ROBO2: variants seen among roughly 807,000 people sequenced by gnomAD.
ROBO2 encodes the protein roundabout homolog 2.
ROBO2 carries 53 observed loss-of-function variants against 160.8 expected under a neutral mutation model. The ratio of observed to expected loss-of-function variants is 0.33; its 90% CI spans 0.26 to 0.41. The LOEUF (loss-of-function observed/expected upper bound fraction) is 0.41, where lower values mean the gene tolerates loss of function less well. ROBO2 is among the 10% of genes least tolerant of loss of function. The pLI, the probability that ROBO2 is intolerant of heterozygous loss-of-function variation, is 1.00. For missense variants in ROBO2, 1,577 were observed against 1,722.4 expected (o/e 0.92, Z 1.49); for synonymous variants, 664 against 611.7 (o/e 1.09, Z -1.26).
intron 2 of ROBO2, among the ~76,000 whole-genome samples, chr3:76,639,266 A>G (rs1029795882): frequency 1.3e-5 from 2 of 151,950 alleles, no homozygotes; most frequent in Non-Finnish European, 2.9e-5. Flanking sequence ...ATGTATGTTT[A>G]TATGTACATA....
intron 2 of ROBO2, among the ~76,000 whole-genome samples, chr3:76,312,719 A>G (rs2071684068): frequency 1.3e-5 from 2 of 152,214 alleles, no homozygotes; most frequent in Admixed American, 1.3e-4. Context: ...TGATGTCAGG[A>G]GTGTTAACTT....
chr3:76,217,789 GGAATCCTCCCTA>G (rs1317940152), intron 2 of ROBO2, among the ~76,000 whole-genome samples: 2 of 152,064 alleles, frequency 1.3e-5, no homozygotes, highest in Non-Finnish European at 2.9e-5. Flanking sequence ...AGAAAAAGAG[GGAATCCTCCCTA>G]CCTCATTTTA....
chr3:76,847,868 C>CT (rs1156360359), intron 2 of ROBO2, among the ~76,000 whole-genome samples: 1 of 151,838 alleles, frequency 6.6e-6, no homozygotes, highest in Non-Finnish European at 1.5e-5. Context: ...ACATTATATC[C>CT]TTTTTTCTTA....
chr3:76,890,006 A>G (rs1200486868), intron 2 of ROBO2, among the ~76,000 whole-genome samples: 3 of 152,110 alleles, frequency 2.0e-5, no homozygotes, highest in African/African-American at 7.2e-5. Context: ...CTTTGAAGCA[A>G]GTAGTAAAGG....
chr3:76,028,188 C>G (rs573068372), intron 2 of ROBO2, among the ~76,000 whole-genome samples: 1 of 151,624 alleles, frequency 6.6e-6, no homozygotes, highest in Admixed American at 6.6e-5. Context: ...CAATAAAACA[C>G]GTGAAAGAAA....
chr3:77,020,449 C>T (rs190724756), intron 2 of ROBO2, among the ~76,000 whole-genome samples: 286 of 152,146 alleles, frequency 1.9e-3, no homozygotes, highest in Non-Finnish European at 3.1e-3. Context: ...GTCAGTAAAT[C>T]GGTCTATTTA....
intron 2 of ROBO2, among the ~76,000 whole-genome samples, chr3:77,389,551 A>C (rs2074493306): frequency 1.3e-5 from 2 of 152,126 alleles, no homozygotes; most frequent in Admixed American, 1.3e-4. Flanking sequence ...GGTTCAAGCC[A>C]ATGTTGTTTA....
At chr3:76,608,967 T>C (rs1237014263) in intron 2 of ROBO2, among the ~76,000 whole-genome samples, 4 of 152,212 alleles carry the variant, frequency 2.6e-5, no homozygotes, top group Non-Finnish European at 4.4e-5. Flanking sequence ...ATCATTCTTA[T>C]GACTTGCATT....
At chr3:76,017,638 T>A (rs1054988690) in intron 2 of ROBO2, among the ~76,000 whole-genome samples, 70 of 152,250 alleles carry the variant, frequency 4.6e-4, no homozygotes, top group African/African-American at 1.7e-3. Context: ...CATATTTTTA[T>A]ATCTTGCATG....
chr3:76,385,293 G>T (rs2076829841), intron 2 of ROBO2, among the ~76,000 whole-genome samples: 2 of 152,064 alleles, frequency 1.3e-5, no homozygotes, highest in African/African-American at 2.4e-5. Flanking sequence ...CGCCCAGCCT[G>T]CCAAGTGTCT....
intron 2 of ROBO2, among the ~76,000 whole-genome samples, chr3:77,105,529 A>C (rs973260829): frequency 6.6e-6 from 1 of 152,078 alleles, no homozygotes; most frequent in African/African-American, 2.4e-5. Context: ...GTGCCTTTTA[A>C]TTTTGCCATA....
chr3:76,157,596 G>C (rs1031207060), intron 2 of ROBO2, among the ~76,000 whole-genome samples: 1 of 151,912 alleles, frequency 6.6e-6, no homozygotes, highest in South Asian at 2.1e-4. Context: ...TCTCATTTAT[G>C]GGGGGGCTGC....
chr3:76,381,634 C>T (rs1447751615), intron 2 of ROBO2, among the ~76,000 whole-genome samples: 1 of 152,144 alleles, frequency 6.6e-6, no homozygotes, highest in Non-Finnish European at 1.5e-5. Context: ...CAGGTGTGAG[C>T]CACTGTGCCC....
chr3:77,509,203 C>T (rs571308028), intron 5 of ROBO2, among the ~76,000 whole-genome samples: 83 of 151,858 alleles, frequency 5.5e-4, no homozygotes, highest in Non-Finnish European at 8.7e-4. Context: ...ATGAAGGTTG[C>T]AAGGGAGAAA....
At chr3:76,665,000 G>A (rs749512909) in intron 2 of ROBO2, among the ~76,000 whole-genome samples, 96 of 152,210 alleles carry the variant, frequency 6.3e-4, no homozygotes, top group African/African-American at 2.1e-3. Context: ...AAGAGGCAAC[G>A]TGTGAGATTT....
At chr3:77,450,101 C>T (rs1054428562) in intron 2 of ROBO2, among the ~76,000 whole-genome samples, 23 of 151,904 alleles carry the variant, frequency 1.5e-4, no homozygotes, top group Non-Finnish European at 5.9e-5. Context: ...AGAAATAGCT[C>T]GTTGCTAATT....
Position 76,683,462 on chromosome 3 carries a change from C to CG in ROBO2, c.110-414551dup, listed in dbSNP as rs201919965. 1.3e-4 allele frequency among the ~76,000 whole-genome samples: 9 copies of CG among 70,934 alleles called. No individual in the cohort carries two copies. In the East Asian group the frequency reaches 4.4e-3, roughly 34 times the overall value. 46.5% of individuals were successfully genotyped at this position (70,934 alleles called of 152,430 possible). ...AGTTCTTTTTATAAGTAACCCCCAC[C>CG]GAAAAAAAAAAAAAAAAACCTGGAA... On this transcript the variant is annotated intron_variant, in intron 2 of 26. Coordinates refer to the ROBO2 transcript ENST00000487694.
intron 19 of ROBO2, among the ~76,000 whole-genome samples, chr3:77,598,519 A>ATATGTG (rs1460696619): frequency 1.1e-5 from 1 of 92,946 alleles, no homozygotes; most frequent in African/African-American, 3.8e-5. Context: ...ACACATATAT[A>ATATGTG]TATATGTGTA....
At chr3:77,229,665 CAAA>C (rs71104661) in intron 2 of ROBO2, among the ~76,000 whole-genome samples, 1 of 133,922 alleles carries the variant, frequency 7.5e-6, no homozygotes. Context: ...AGACTGTCTC[CAAA>C]AAAAAAAAAA....
Sources: allele counts gnomAD v4.1 joint callset (sites outside exome capture counted in the v4.1 genomes callset), GRCh38; gene constraint gnomAD v4.1.1; transcripts MANE v1.5; gene names NCBI Gene and HGNC (gene_info 2026-07-23, HGNC 2026-07-21).